Variants in ABR observed in about 807,000 individuals in gnomAD.
The protein encoded by ABR is ABR activator of RhoGEF and GTPase.
In ABR, 35 loss-of-function variants were observed where a neutral mutation model predicts 107.2. That is an observed-to-expected ratio of 0.33 (90% CI 0.25 to 0.43). The LOEUF (loss-of-function observed/expected upper bound fraction) is 0.43, where lower values mean the gene tolerates loss of function less well. Among genes scored for constraint, ABR ranks in the 20% least tolerant of loss-of-function variants. The pLI, the probability that ABR is intolerant of heterozygous loss-of-function variation, is 1.00. For synonymous variants in ABR, 498 were observed against 462.0 expected (o/e 1.08, Z -1.00); for missense variants, 815 against 1,115.2 (o/e 0.73, Z 3.83).
intron 21 of ABR, among the ~76,000 whole-genome samples, chr17:1,009,465 C>T (rs542589656): frequency 2.8e-4 from 42 of 152,332 alleles, no homozygotes; most frequent in South Asian, 4.1e-4. Context: ...AACAGAAAAA[C>T]ATGAGTGCAA....
At chr17:1,044,463 A>G (rs925927610) in intron 16 of ABR, among the ~76,000 whole-genome samples, 1 of 152,098 alleles carries the variant, frequency 6.6e-6, no homozygotes, top group African/African-American at 2.4e-5. Context: ...CAGCCTGGTC[A>G]ACATGGTGAA....
At chr17:1,096,970 G>T (rs936734669) in intron 3 of ABR, among the ~76,000 whole-genome samples, 1 of 150,046 alleles carries the variant, frequency 6.7e-6, no homozygotes, top group Non-Finnish European at 1.5e-5. Flanking sequence ...GCCGGGGAAG[G>T]GGGGAACCTG....
At chr17:1,184,648 A>T (rs1051299695), upstream of ABR, among the ~76,000 whole-genome samples, 4 of 141,522 alleles carry the variant, frequency 2.8e-5, no homozygotes, top group Non-Finnish European at 4.6e-5. Context: ...AATTAATGAC[A>T]GCTAACAGTT....
intron 1 of ABR, chr17:1,177,901 A>T (rs765251130): frequency 2.0e-5 from 3 of 152,310 alleles, no homozygotes; most frequent in Non-Finnish European, 2.9e-5. Flanking sequence ...CATGCCACAC[A>T]GCCATGGGCC....
intron 16 of ABR, among the ~76,000 whole-genome samples, chr17:1,015,463 T>A (rs1271307948): frequency 6.6e-6 from 1 of 151,768 alleles, no homozygotes; most frequent in Non-Finnish European, 1.5e-5. Context: ...ATACATTTTA[T>A]TTATTTTTTT....
At chr17:1,049,256 C>G (rs1316754782) in intron 16 of ABR, among the ~76,000 whole-genome samples, 1 of 152,136 alleles carries the variant, frequency 6.6e-6, no homozygotes, top group African/African-American at 2.4e-5. Context: ...CAACCTCTAC[C>G]TCCTGGGTTC....
At position 1,051,223 on chromosome 17, in the gene ABR, A is replaced by G. The variant is rs1022328544; in HGVS notation, c.1562-589T>C. Among the ~76,000 whole-genome samples the G allele has an allele frequency of 1.3e-5, 2 of 151,988 alleles. No individual in the cohort carries two copies. The highest frequency in any genetic ancestry group is 2.9e-5 in the Non-Finnish European group (2 of 67,992). ...TGGTTTCCTCCGCTGCACTTAACAT[A>G]AACCAAAGGGATCTTCTCTACTCGT... On this transcript the variant is annotated intron_variant, in intron 14 of 22. Coordinates refer to ENST00000302538, the MANE Select transcript of ABR (RefSeq NM_021962.5). The surrounding 1 kb of genome is among the most constrained non-coding windows in gnomAD (Gnocchi z 4.3).
At chr17:1,054,508 T>TGAGGGGACGGGGGC in intron 14 of ABR, among the ~76,000 whole-genome samples, 1 of 115,626 alleles carries the variant, frequency 8.6e-6, no homozygotes, top group African/African-American at 3.9e-5. Context: ...GGGATGGGGA[T>TGAGGGGACGGGGGC]ACAAGGAACC....
Position 1,047,294 on chromosome 17 carries a change from T to C in ABR, c.1791+2756A>G, listed in dbSNP as rs369074959. 2.6e-4 allele frequency among the ~76,000 whole-genome samples: 39 copies of C among 152,356 alleles called. 1 individual carries two copies. The South Asian group carries it at 8.1e-3, about 32-fold the overall frequency. Reference sequence around the variant, plus strand: ...TAGTGCCAGCTCCCTTCCTTAGATGTGTGGCCGGAGTGAAGGCAGAGACAA... The same window carrying C: ...TAGTGCCAGCTCCCTTCCTTAGATGCGTGGCCGGAGTGAAGGCAGAGACAA... On this transcript the variant is annotated intron_variant, in intron 16 of 22. Coordinates refer to ENST00000302538, the MANE Select transcript of ABR (RefSeq NM_021962.5).
rs1030334347 is a variant in ABR, at chr17:1,077,325, C to T, written c.700+2005G>A. Among the ~76,000 whole-genome samples the T allele has an allele frequency of 2.0e-4, 30 of 152,164 alleles. 1 individual carries two copies. The highest frequency in any genetic ancestry group is 9.2e-4 in the Admixed American group (14 of 15,278). On this transcript the variant is annotated intron_variant, in intron 6 of 22. Coordinates refer to ENST00000302538, the MANE Select transcript of ABR (RefSeq NM_021962.5). Reference sequence around the variant, plus strand: ...ACTTCAACAACAGTATCACGGAGACCGAAGCAACGTGAACTCCAGGTCCCA... The same window carrying T: ...ACTTCAACAACAGTATCACGGAGACTGAAGCAACGTGAACTCCAGGTCCCA...
intron 1 of ABR, among the ~76,000 whole-genome samples, chr17:1,132,467 C>G (rs1473655358): frequency 1.3e-5 from 2 of 151,688 alleles, no homozygotes. Context: ...CAACCTCCAC[C>G]TGCCAGGTTC....
intron 22 of ABR, among the ~76,000 whole-genome samples, chr17:1,006,813 C>T (rs1178413969): frequency 9.9e-6 from 1 of 101,320 alleles, no homozygotes; most frequent in Non-Finnish European, 2.1e-5. Context: ...CCTCCGCCAG[C>T]CACGGGCCCG....
intron 10 of ABR, among the ~76,000 whole-genome samples, chr17:1,066,873 G>A (rs1165421370): frequency 6.6e-6 from 1 of 152,044 alleles, no homozygotes; most frequent in African/African-American, 2.4e-5. Flanking sequence ...CTGCTTTCCA[G>A]GGCACTTCCC....
chr17:1,193,512 C>T (rs935022323), intron 1 of ABR, among the ~76,000 whole-genome samples: 7 of 152,148 alleles, frequency 4.6e-5, no homozygotes, highest in African/African-American at 9.7e-5. Flanking sequence ...AGTTCTCACT[C>T]GGGTCTGGCT....
chr17:1,023,752 C>T (rs949251307), intron 16 of ABR, among the ~76,000 whole-genome samples: 6 of 152,092 alleles, frequency 3.9e-5, no homozygotes, highest in Admixed American at 6.5e-5. Context: ...GGGCTGGGCG[C>T]GGTGGTTCAC....
chr17:1,136,981 C>G (rs969340696), intron 1 of ABR, among the ~76,000 whole-genome samples: 2 of 143,206 alleles, frequency 1.4e-5, no homozygotes, highest in Non-Finnish European at 3.0e-5. Flanking sequence ...TTTCAACAAG[C>G]CTTCCTCACT....
At chr17:1,172,943 G>A (rs2041768496) in intron 1 of ABR, among the ~76,000 whole-genome samples, 1 of 88,626 alleles carries the variant, frequency 1.1e-5, no homozygotes, top group Admixed American at 1.0e-4. Context: ...AACAGAGCAG[G>A]TAATCCACCC....
rs773860308 is a variant in ABR, at chr17:1,200,829, C to G, written c.838+27964G>C. On this transcript the variant is annotated intron_variant, in intron 1 of 22. Transcript: ENST00000574139. The surrounding 1 kb of genome is among the most constrained non-coding windows in gnomAD (Gnocchi z 4.1). The stretch of plus-strand genomic sequence containing the variant: ...AGGGACACCAGAGATAAAGCCTCAT[C>G]TATAACATCCCCAGTAAAAAGCTGA... Among the ~76,000 whole-genome samples the G allele has an allele frequency of 6.6e-6, 1 of 152,108 alleles. No individual in the cohort carries two copies. Among genetic ancestry groups the G allele is most frequent in the Non-Finnish European group, 1.5e-5 (1 of 68,036 alleles).
chr17:1,020,329 C>T (rs1281121484), intron 16 of ABR, among the ~76,000 whole-genome samples: 3 of 152,328 alleles, frequency 2.0e-5, no homozygotes, highest in South Asian at 2.1e-4. Context: ...GTGATCCACC[C>T]GCCTCGGCCT....
Sources: allele counts gnomAD v4.1 joint callset (sites outside exome capture counted in the v4.1 genomes callset), GRCh38; gene constraint gnomAD v4.1.1; non-coding constraint Gnocchi (gnomAD v3.1); transcripts MANE v1.5; gene names NCBI Gene and HGNC (gene_info 2026-07-23, HGNC 2026-07-21).